The following DYM variants were observed in gnomAD, a reference collection of about 807,000 sequenced individuals.
DYM encodes the protein dyggve-Melchior-Clausen syndrome protein.
Under a neutral mutation model 93.1 loss-of-function variants are expected in DYM, and 78 were observed. That is an observed-to-expected ratio of 0.84 (90% CI 0.70 to 1.01). The LOEUF (loss-of-function observed/expected upper bound fraction) is 1.01, where lower values mean the gene tolerates loss of function less well. Ranked by LOEUF, DYM falls within the 50% of genes least tolerant of loss-of-function variation. DYM has a pLI of 0.00. For synonymous variants in DYM, 321 were observed against 319.7 expected (o/e 1.00, Z -0.04); for missense variants, 789 against 845.0 (o/e 0.93, Z 0.82).
At chr18:49,080,156 G>GA (rs1183506457) in intron 17 of DYM, among the ~76,000 whole-genome samples, 3 of 106,666 alleles carry the variant, frequency 2.8e-5, no homozygotes, top group East Asian at 3.5e-4. Context: ...TGGCCGGGGG[G>GA]GGGCTGACCC....
At chr18:49,195,867 T>C (rs1215614896) in intron 14 of DYM, among the ~76,000 whole-genome samples, 2 of 147,470 alleles carry the variant, frequency 1.4e-5, no homozygotes, top group Non-Finnish European at 3.0e-5. Context: ...ACCAGAGAAC[T>C]ACAACCAAAT....
chr18:49,099,050 T>C (rs1301365258), intron 16 of DYM, among the ~76,000 whole-genome samples: 1 of 152,170 alleles, frequency 6.6e-6, no homozygotes, highest in Non-Finnish European at 1.5e-5. Context: ...GTTAGAAATT[T>C]CATATGGGTC....
intron 6 of DYM, among the ~76,000 whole-genome samples, chr18:49,346,171 G>C (rs2064577009): frequency 6.6e-6 from 1 of 152,100 alleles, no homozygotes; most frequent in Admixed American, 6.6e-5. Context: ...ACAAAATCTT[G>C]TACATTGATG....
intron 15 of DYM, among the ~76,000 whole-genome samples, chr18:49,133,063 AT>A (rs2083517861): frequency 6.6e-6 from 1 of 152,184 alleles, no homozygotes. Context: ...ATTCTTTGCC[AT>A]TTGTTTTTGT....
chr18:49,441,328 A>AT (rs1422759294), intron 1 of DYM, among the ~76,000 whole-genome samples: 4 of 66,238 alleles, frequency 6.0e-5, no homozygotes, highest in East Asian at 6.5e-4. Context: ...AATTATATAT[A>AT]ATATAATTAT....
intron 8 of DYM, among the ~76,000 whole-genome samples, chr18:49,317,816 G>T (rs924363387): frequency 1.8e-4 from 28 of 151,582 alleles, no homozygotes; most frequent in Non-Finnish European, 4.0e-4. Context: ...TCTAACAAAG[G>T]CTTGATGGCA....
intron 14 of DYM, among the ~76,000 whole-genome samples, chr18:49,199,499 T>A (rs1414584691): frequency 2.0e-5 from 3 of 152,210 alleles, no homozygotes; most frequent in Non-Finnish European, 4.4e-5. Context: ...AATACCACAT[T>A]ATGGAAAATA....
At chr18:49,084,775 T>C (rs2078352322) in intron 17 of DYM, among the ~76,000 whole-genome samples, 1 of 152,226 alleles carries the variant, frequency 6.6e-6, no homozygotes, top group East Asian at 1.9e-4. Context: ...AAATGTTGAC[T>C]GGAAGAAGAA....
In DYM at chr18:49,097,392, G is replaced by C. The variant is rs2079641121; in HGVS notation, c.2025+10C>G. 6.2e-7 allele frequency: 1 copy of C among 1,612,832 alleles called. No homozygotes were observed. The highest frequency in any genetic ancestry group is 1.3e-5 in the African/African-American group (1 of 74,876). ...GCAGTGTCAAGTGGACATTTCTTTA[G>C]CCTTCTTACCTTCAGTCTGTCTTTG... On this transcript the variant is annotated intron_variant, in intron 17 of 17. Transcript: ENST00000675505.
chr18:49,296,646 T>C (rs74744091), intron 8 of DYM, among the ~76,000 whole-genome samples: 1,639 of 152,290 alleles, frequency 0.011, 30 homozygotes, highest in African/African-American at 0.038. Flanking sequence ...GAACTGACCA[T>C]TGGTTGATGG....
intron 13 of DYM, among the ~76,000 whole-genome samples, chr18:49,250,243 AAG>A (rs1314102330): frequency 6.6e-6 from 1 of 152,238 alleles, no homozygotes; most frequent in Non-Finnish European, 1.5e-5. Flanking sequence ...AAGTAATGCA[AAG>A]AAATATAAAA....
At chr18:49,200,569 G>A (rs1356200647) in intron 14 of DYM, among the ~76,000 whole-genome samples, 1 of 151,310 alleles carries the variant, frequency 6.6e-6, no homozygotes, top group Non-Finnish European at 1.5e-5. Context: ...TGAGTTGATA[G>A]GATATAGTTT....
At chr18:49,372,434 A>G (rs2067130847) in intron 5 of DYM, among the ~76,000 whole-genome samples, 1 of 152,222 alleles carries the variant, frequency 6.6e-6, no homozygotes, top group African/African-American at 2.4e-5. Context: ...AGTAGGCTCA[A>G]TTATAAACAC....
intron 17 of DYM, among the ~76,000 whole-genome samples, chr18:49,047,923 T>C (rs2071843849): frequency 6.6e-6 from 1 of 152,144 alleles, no homozygotes; most frequent in Non-Finnish European, 1.5e-5. Flanking sequence ...AGTCACCAAA[T>C]GTCCCGCTGA....
At chr18:49,307,155 C>CAGTA (rs1426183647) in intron 8 of DYM, among the ~76,000 whole-genome samples, 6 of 152,044 alleles carry the variant, frequency 3.9e-5, no homozygotes, top group Non-Finnish European at 8.8e-5. Context: ...TTGCCTTCAT[C>CAGTA]TACTATATGT....
chr18:49,352,648 C>T (rs1315666096), intron 6 of DYM, among the ~76,000 whole-genome samples: 1 of 152,068 alleles, frequency 6.6e-6, no homozygotes, highest in Admixed American at 6.6e-5. Flanking sequence ...TAGAACTGAA[C>T]AATAGAAAAG....
intron 16 of DYM, 104 bp downstream of exon 16, chr18:49,118,639 GA>G (rs752752545): frequency 6.4e-6 from 7 of 1,096,442 alleles, no homozygotes; most frequent in Non-Finnish European, 9.5e-6. Context: ...AGTTAATGTT[GA>G]AAGAAGAAAC....
At chr18:49,146,356 A>G (rs1315071205) in intron 15 of DYM, among the ~76,000 whole-genome samples, 3 of 152,230 alleles carry the variant, frequency 2.0e-5, no homozygotes, top group Non-Finnish European at 4.4e-5. Context: ...GCAATTAGGC[A>G]GGAGAAGGAA....
chr18:49,163,852 AAT>A, intron 14 of DYM, 65 bp from the exon 15 acceptor site: 3 of 1,022,154 alleles, frequency 2.9e-6, no homozygotes, highest in South Asian at 2.7e-5. Flanking sequence ...CTTCTGTGGA[AAT>A]ATATAGTTCC....
Sources: allele counts gnomAD v4.1 joint callset (sites outside exome capture counted in the v4.1 genomes callset), GRCh38; gene constraint gnomAD v4.1.1; transcripts MANE v1.5; gene names NCBI Gene and HGNC (gene_info 2026-07-23, HGNC 2026-07-21).